The following FAR2 variants were observed in gnomAD, a reference collection of about 807,000 sequenced individuals.
The protein encoded by FAR2 is epididymis secretory protein Li 81.
Under a neutral mutation model 56.0 loss-of-function variants are expected in FAR2, and 19 were observed. That is an observed-to-expected ratio of 0.34 (90% CI 0.24 to 0.50). FAR2 has a LOEUF of 0.50. FAR2 is among the 20% of genes least tolerant of loss of function. The pLI, the probability that FAR2 is intolerant of heterozygous loss-of-function variation, is 0.98. For synonymous variants in FAR2, 219 were observed against 218.8 expected (o/e 1.00, Z -0.01); for missense variants, 508 against 642.2 (o/e 0.79, Z 2.26).
At chr12:29,330,159 C>T (rs1045300600) in intron 10 of FAR2, among the ~76,000 whole-genome samples, 7 of 149,182 alleles carry the variant, frequency 4.7e-5, no homozygotes, top group Admixed American at 6.8e-5. Context: ...CGGGTTCAAG[C>T]GCGTCTCCTG....
chr12:29,310,454 C>T (rs1949327947), intron 6 of FAR2, among the ~76,000 whole-genome samples: 1 of 151,956 alleles, frequency 6.6e-6, no homozygotes, highest in Non-Finnish European at 1.5e-5. Context: ...GTGAGGTGAA[C>T]TAAGATACTG....
intron 1 of FAR2, among the ~76,000 whole-genome samples, chr12:29,258,007 C>T (rs1010125690): frequency 3.9e-5 from 6 of 152,104 alleles, no homozygotes; most frequent in African/African-American, 1.4e-4. Flanking sequence ...TGTTATACAA[C>T]TACTCTCATT....
At chr12:29,157,198 GT>G (rs1296134364) in intron 1 of FAR2, among the ~76,000 whole-genome samples, 1 of 142,858 alleles carries the variant, frequency 7.0e-6, no homozygotes, top group East Asian at 2.1e-4. Context: ...ATTAAACAAT[GT>G]GGTTAAACAA....
intron 1 of FAR2, among the ~76,000 whole-genome samples, chr12:29,255,199 T>C (rs1948298553): frequency 6.6e-6 from 1 of 152,148 alleles, no homozygotes; most frequent in African/African-American, 2.4e-5. Flanking sequence ...AAAATTAGTT[T>C]CTGGTAAGGC....
intron 1 of FAR2, among the ~76,000 whole-genome samples, chr12:29,251,932 T>C (rs1948219074): frequency 6.6e-6 from 1 of 152,172 alleles, no homozygotes; most frequent in African/African-American, 2.4e-5. Flanking sequence ...AGTGACCCAC[T>C]AGAAAATTTT....
intron 1 of FAR2, chr12:29,151,586 A>G (rs1205100224): frequency 6.6e-6 from 1 of 152,188 alleles, no homozygotes; most frequent in Non-Finnish European, 1.5e-5. Context: ...CTGGATCTTC[A>G]TTTTGAACTG....
chr12:29,305,123 G>C (rs1015584042), intron 4 of FAR2, among the ~76,000 whole-genome samples: 1 of 149,344 alleles, frequency 6.7e-6, no homozygotes, highest in Non-Finnish European at 1.5e-5. Flanking sequence ...TGTTTTATTT[G>C]TTTATTTTTA....
At chr12:29,261,212 CA>C (rs1439970289) in intron 1 of FAR2, among the ~76,000 whole-genome samples, 2 of 152,114 alleles carry the variant, frequency 1.3e-5, no homozygotes, top group Non-Finnish European at 2.9e-5. Flanking sequence ...AGAATACTAT[CA>C]GATACATTTA....
At chr12:29,247,418 T>C (rs1201131024) in intron 1 of FAR2, among the ~76,000 whole-genome samples, 1 of 152,182 alleles carries the variant, frequency 6.6e-6, no homozygotes, top group East Asian at 1.9e-4. Flanking sequence ...CACTATCATC[T>C]TTTGGTTGCA....
In FAR2 at chr12:29,309,173, TTC is replaced by T; in HGVS notation, c.724-11_724-10del. 6.3e-7 allele frequency: 1 copy of T among 1,581,658 alleles called. No individual in the cohort carries two copies. Among genetic ancestry groups the T allele is most frequent in the African/African-American group, 1.3e-5 (1 of 74,278 alleles). On this transcript the variant is annotated splice_polypyrimidine_tract_variant and intron_variant, in intron 5 of 11. Transcript: ENST00000536681. ...CTGAAATGTGTAACCAATAGAAATC[TTC>T]TTTCTTTTAGGGTTGGGTTGATAAT...
rs12578179 is a variant in FAR2 at position 29,245,458 on chromosome 12, C to A, written c.-38-24954C>A. Among the ~76,000 whole-genome samples the A allele has an allele frequency of 1.9e-3, 294 of 152,280 alleles. 5 individuals carry two copies. The East Asian group carries it at 0.051, about 26-fold the overall frequency. ...CAGTACTCATTAAATTAGTCATCCC[C>A]TGAATCAGAATGGGGTTGGGCTTGG... On this transcript the variant is annotated intron_variant, in intron 1 of 11. Transcript: ENST00000536681.
intron 1 of FAR2, among the ~76,000 whole-genome samples, chr12:29,256,368 A>T (rs1948316198): frequency 6.6e-6 from 1 of 152,090 alleles, no homozygotes; most frequent in African/African-American, 2.4e-5. Flanking sequence ...TTTCATTTTT[A>T]GTAGAGACGG....
intron 10 of FAR2, among the ~76,000 whole-genome samples, chr12:29,324,994 T>C (rs1288374926): frequency 7.4e-6 from 1 of 135,328 alleles, no homozygotes; most frequent in Non-Finnish European, 1.7e-5. Flanking sequence ...TGTGCTGTAT[T>C]CAGGAAACCC....
chr12:29,242,628 C>G (rs1948055944), intron 1 of FAR2, among the ~76,000 whole-genome samples: 1 of 152,210 alleles, frequency 6.6e-6, no homozygotes, highest in Admixed American at 6.5e-5. Flanking sequence ...TCGCCTTAAA[C>G]TCTTACCAGT....
chr12:29,238,245 A>G (rs1455432182), intron 1 of FAR2, among the ~76,000 whole-genome samples: 7 of 152,112 alleles, frequency 4.6e-5, no homozygotes, highest in Admixed American at 4.6e-4. Flanking sequence ...CCCAAACAAT[A>G]TAGAGCAACA....
chr12:29,254,396 A>G (rs1020277230), intron 1 of FAR2, among the ~76,000 whole-genome samples: 2 of 152,148 alleles, frequency 1.3e-5, no homozygotes, highest in African/African-American at 4.8e-5. Context: ...AAGCAAGGGG[A>G]TCTTGCTATT....
intron 1 of FAR2, among the ~76,000 whole-genome samples, chr12:29,190,833 A>G (rs1591840861): frequency 6.6e-6 from 1 of 152,154 alleles, no homozygotes; most frequent in African/African-American, 2.4e-5. Flanking sequence ...GGTTCCACTG[A>G]CAATCAGAAG....
chr12:29,243,381 T>C (rs1394398370), intron 1 of FAR2, among the ~76,000 whole-genome samples: 1 of 152,160 alleles, frequency 6.6e-6, no homozygotes, highest in African/African-American at 2.4e-5. Context: ...AGATAAGGGG[T>C]TGGTTTCCTG....
At chr12:29,260,938 G>T (rs1349158926) in intron 1 of FAR2, among the ~76,000 whole-genome samples, 1 of 152,158 alleles carries the variant, frequency 6.6e-6, no homozygotes, top group Non-Finnish European at 1.5e-5. Context: ...TGGGTTTGGG[G>T]TACTCCCTAA....
Sources: allele counts gnomAD v4.1 joint callset (sites outside exome capture counted in the v4.1 genomes callset), GRCh38; gene constraint gnomAD v4.1.1; transcripts MANE v1.5; gene names NCBI Gene and HGNC (gene_info 2026-07-23, HGNC 2026-07-21).